The following ESRRG variants were observed in gnomAD, a reference collection of about 807,000 sequenced individuals.
The protein encoded by ESRRG is estrogen-related receptor gamma.
A neutral mutation model predicts 44.0 loss-of-function variants in ESRRG; 13 were observed. That is an observed-to-expected ratio of 0.30 (90% CI 0.19 to 0.47). The LOEUF is 0.47. Ranked by LOEUF, ESRRG falls within the 20% of genes least tolerant of loss-of-function variation. The pLI is 1.00. For missense variants in ESRRG, 395 were observed against 580.6 expected (o/e 0.68, Z 3.29); for synonymous variants, 215 against 214.6 (o/e 1.00, Z -0.02).
chr1:216,688,927 T>A (rs2078542853), intron 1 of ESRRG, among the ~76,000 whole-genome samples: 1 of 151,872 alleles, frequency 6.6e-6, no homozygotes. Flanking sequence ...CTAGGAGAAA[T>A]AGAAATGGAA....
At chr1:217,033,761 A>T (rs2082418775) in intron 1 of ESRRG, among the ~76,000 whole-genome samples, 1 of 152,218 alleles carries the variant, frequency 6.6e-6, no homozygotes, top group South Asian at 2.1e-4. Flanking sequence ...TGCTGTGAAT[A>T]ATAATAGCTA....
At chr1:216,862,734 G>C (rs915713085) in intron 2 of ESRRG, 2 of 152,122 alleles carry the variant, frequency 1.3e-5, no homozygotes, top group African/African-American at 4.8e-5. Flanking sequence ...GCCTTGAGAT[G>C]GGGGAAGTAG....
At chr1:217,072,807 A>G (rs2090732120) in intron 1 of ESRRG, among the ~76,000 whole-genome samples, 1 of 152,188 alleles carries the variant, frequency 6.6e-6, no homozygotes, top group Non-Finnish European at 1.5e-5. Context: ...TGAAATCGCA[A>G]GCCATAGCCC....
upstream of ESRRG, among the ~76,000 whole-genome samples, chr1:216,727,975 T>C (rs976467541): frequency 6.6e-6 from 1 of 152,192 alleles, no homozygotes; most frequent in Non-Finnish European, 1.5e-5. Flanking sequence ...TCAGGATTAT[T>C]TCACCTTCGT....
At chr1:216,911,705 G>A (rs2060320037) in intron 2 of ESRRG, among the ~76,000 whole-genome samples, 2 of 152,048 alleles carry the variant, frequency 1.3e-5, no homozygotes, top group Non-Finnish European at 1.5e-5. Context: ...GGGGTATATG[G>A]AAACTCTCTG....
At chr1:217,092,031 C>T (rs1052410740), upstream of ESRRG, among the ~76,000 whole-genome samples, 11 of 152,286 alleles carry the variant, frequency 7.2e-5, no homozygotes, top group South Asian at 4.1e-4. Flanking sequence ...CCAGTTCAGG[C>T]AGCTGAGTGG....
At chr1:216,951,442 T>C (rs1419398487) in intron 1 of ESRRG, among the ~76,000 whole-genome samples, 1 of 152,202 alleles carries the variant, frequency 6.6e-6, no homozygotes, top group Non-Finnish European at 1.5e-5. Context: ...TTTCCATTTT[T>C]AAGCTGTCAC....
intron 1 of ESRRG, among the ~76,000 whole-genome samples, chr1:217,096,632 C>T (rs561652163): frequency 3.7e-5 from 4 of 107,780 alleles, no homozygotes; most frequent in Non-Finnish European, 5.8e-5. Flanking sequence ...GTTTAAAAAG[C>T]CATTTCCTTG....
In ESRRG at chr1:216,506,476, G is replaced by A. The variant is rs1012449328; in HGVS notation, c.*463C>T. ...AAGGAAAGGAAAGGGAAAAGGAAAG[G>A]GAAAAAGGAAAGAAAGGGAAAGGAA... On this transcript the variant is annotated 3_prime_UTR_variant, in exon 7 of 7. Coordinates refer to ENST00000408911, the MANE Select transcript of ESRRG (RefSeq NM_001438.4). 3 of 351,954 alleles carry A rather than the reference G, an allele frequency of 8.5e-6. No homozygotes were observed. The highest frequency in any genetic ancestry group is 1.7e-5 in the Non-Finnish European group (3 of 181,576). The allele number at this position is 351,954 out of a possible 1,614,324, so 21.8% of individuals were successfully genotyped here.
chr1:216,853,555 G>A (rs959112768), intron 2 of ESRRG, among the ~76,000 whole-genome samples: 1 of 151,934 alleles, frequency 6.6e-6, no homozygotes, highest in Non-Finnish European at 1.5e-5. Context: ...CTTTATTCAT[G>A]CAGCCCCAGA....
At chr1:216,532,863 G>T (rs2049799370) in intron 5 of ESRRG, among the ~76,000 whole-genome samples, 1 of 152,138 alleles carries the variant, frequency 6.6e-6, no homozygotes, top group Non-Finnish European at 1.5e-5. Flanking sequence ...CAAATATCCA[G>T]AAGTTATGTG....
intron 2 of ESRRG, chr1:216,804,897 C>T (rs2094739529): frequency 6.6e-6 from 1 of 152,102 alleles, no homozygotes; most frequent in South Asian, 2.1e-4. Flanking sequence ...TCTGCAATTT[C>T]AATGAAAGCC....
intron 5 of ESRRG, among the ~76,000 whole-genome samples, chr1:216,548,248 C>T (rs548437269): frequency 7.3e-4 from 111 of 152,092 alleles, no homozygotes; most frequent in African/African-American, 1.3e-3. Flanking sequence ...GTGAATCAAA[C>T]GGGTACACAT....
intron 6 of ESRRG, among the ~76,000 whole-genome samples, chr1:216,515,959 C>A (rs1477400342): frequency 2.0e-5 from 3 of 151,696 alleles, no homozygotes; most frequent in African/African-American, 7.3e-5. Context: ...ACTATATTTT[C>A]TAATATATAA....
chr1:216,760,925 G>A (rs1327201729), intron 2 of ESRRG, among the ~76,000 whole-genome samples: 1 of 151,932 alleles, frequency 6.6e-6, no homozygotes, highest in Non-Finnish European at 1.5e-5. Flanking sequence ...TAGAAAGGAG[G>A]GCCAAGACAG....
intron 2 of ESRRG, among the ~76,000 whole-genome samples, chr1:216,790,384 T>C (rs1197566584): frequency 1.3e-5 from 2 of 152,144 alleles, no homozygotes; most frequent in African/African-American, 4.8e-5. Context: ...TTGCTTTTTT[T>C]AACCTAATGG....
At chr1:216,680,131 G>A (rs1283113351) in intron 1 of ESRRG, among the ~76,000 whole-genome samples, 3 of 152,168 alleles carry the variant, frequency 2.0e-5, no homozygotes, top group Admixed American at 6.5e-5. Context: ...GGCCTGCCAC[G>A]AACTGTTTCC....
At chr1:216,710,411 G>A (rs955849574) in intron 1 of ESRRG, among the ~76,000 whole-genome samples, 4 of 152,104 alleles carry the variant, frequency 2.6e-5, no homozygotes, top group African/African-American at 9.7e-5. Context: ...TGCAGATAAG[G>A]CTCCAATGTC....
At chr1:216,845,126 CAT>C (rs2095720830) in intron 2 of ESRRG, among the ~76,000 whole-genome samples, 1 of 152,064 alleles carries the variant, frequency 6.6e-6, no homozygotes, top group African/African-American at 2.4e-5. Context: ...AATGTACGTA[CAT>C]ATGTTTGTAT....
Sources: gnomAD v4.1 joint callset for allele counts (sites outside exome capture counted in the v4.1 genomes callset) on GRCh38, gnomAD v4.1.1 for gene constraint, MANE v1.5 for transcripts, NCBI Gene and HGNC (gene_info 2026-07-23, HGNC 2026-07-21) for gene names.